MORC4: variants seen among roughly 807,000 people sequenced by gnomAD.
MORC4 encodes MORC family CW-type zinc finger 4, also known as MORC family CW-type zinc finger protein 4.
A neutral mutation model predicts 65.5 loss-of-function variants in MORC4; 22 were observed. The observed-to-expected ratio is 0.34, with a 90% CI of 0.24 to 0.48. MORC4 has a LOEUF of 0.48. MORC4 is among the 20% of genes least tolerant of loss of function. MORC4 has a pLI of 0.99. For missense variants in MORC4, 624 were observed against 703.0 expected (o/e 0.89, Z 1.27); for synonymous variants, 267 against 255.8 (o/e 1.04, Z -0.42).
chrX:106,941,612 C>T lies in MORC4; in HGVS notation c.2681G>A (p.Arg894Gln), dbSNP rs760339925. 9.1e-6 allele frequency: 11 copies of T among 1,210,003 alleles called. No individual in the cohort carries two copies. The highest frequency in any genetic ancestry group is 2.2e-5 in the Admixed American group (1 of 45,869). Residue 894 changes from arginine to glutamine, a missense_variant, in exon 17 of 17, where the codon CGG becomes CAG. Transcript: ENST00000355610. The part of the protein sequence containing the change: ...DLERALAKLT[R>Q]LRIHVSYLLT... ...GAGATAGCTGACGTGGATACGTAGC[C>T]GCGTAAGCTTTGCCAAAGCCCTGTA...
At chrX:106,953,505 T>C (rs956534162) in intron 14 of MORC4, among the ~76,000 whole-genome samples, 5 of 111,756 alleles carry the variant, frequency 4.5e-5, no homozygotes, top group Non-Finnish European at 9.4e-5. Context: ...ACGGTGTAAT[T>C]AGGCTCAAGC....
intron 12 of MORC4, 62 bp downstream of exon 12, chrX:106,956,874 T>C (rs1166337576): frequency 4.5e-6 from 4 of 891,451 alleles, no homozygotes; most frequent in Non-Finnish European, 6.4e-6. Flanking sequence ...ACTCCCGTCC[T>C]GTAAGGAAGT....
At chrX:106,949,682 A>T (rs1476913413) in intron 14 of MORC4, among the ~76,000 whole-genome samples, 1 of 112,443 alleles carries the variant, frequency 8.9e-6, no homozygotes, top group African/African-American at 3.2e-5. Flanking sequence ...AACCTAGTTC[A>T]TACCTGGTTT....
In MORC4 at chrX:106,954,909, T is replaced by A. The variant is rs185335693; in HGVS notation, c.1685+4A>T. 883 of 1,202,982 alleles carry A rather than the reference T, an allele frequency of 7.3e-4. No individual in the cohort carries two copies. Among genetic ancestry groups the A allele is most frequent in the Non-Finnish European group, 9.7e-4 (865 of 891,718 alleles). On this transcript the variant is annotated splice_donor_region_variant and intron_variant, in intron 14 of 16. Coordinates refer to ENST00000355610, the MANE Select transcript of MORC4 (RefSeq NM_024657.5). ...ATTGACAAGAGATCATGCTTTTTAG[T>A]CACCTGGAAAACTGTAAAACACTGG...
chrX:106,981,607 C>A lies in MORC4; in HGVS notation c.675-130G>T, dbSNP rs143449939. The A allele has an allele frequency of 9.5e-3, 5,172 of 542,511 alleles. 199 individuals carry two copies. In the African/African-American group the frequency reaches 0.11, roughly 11 times the overall value. 44.7% of individuals were successfully genotyped at this position (542,511 alleles called of 1,213,427 possible). ...GGTATCTGTTTCTTTCCCTGACTAC[C>A]AGTGCAAAGGAACTACAAACTACTT... On this transcript the variant is annotated intron_variant, in intron 5 of 16. Transcript: ENST00000355610.
At chrX:106,975,011 C>G (rs1381203547) in intron 9 of MORC4, among the ~76,000 whole-genome samples, 1 of 111,021 alleles carries the variant, frequency 9.0e-6, no homozygotes, top group African/African-American at 3.3e-5. Flanking sequence ...CCTGTGTGTT[C>G]AACTGAATAA....
intron 2 of MORC4, among the ~76,000 whole-genome samples, chrX:106,998,501 A>T (rs1237407104): frequency 8.9e-6 from 1 of 111,768 alleles, no homozygotes; most frequent in South Asian, 3.8e-4. Flanking sequence ...CCCATCCCCC[A>T]CTATGTAAAT....
chrX:106,956,541 G>C lies in MORC4; in HGVS notation c.1455-7C>G. 8.4e-7 allele frequency: 1 copy of C among 1,186,803 alleles called. No homozygotes were observed. Among genetic ancestry groups the C allele is most frequent in the Non-Finnish European group, 1.1e-6 (1 of 872,999 alleles). On this transcript the variant is annotated splice_polypyrimidine_tract_variant and splice_region_variant and intron_variant, in intron 12 of 16. Coordinates refer to ENST00000355610, the MANE Select transcript of MORC4 (RefSeq NM_024657.5). ...CTCCTCAACAGTTTGTTCTCTAGGA[G>C]AAGATAAAAGTGCTATTTAGTTCAC...
chrX:106,997,421 C>T (rs765073695), intron 2 of MORC4, among the ~76,000 whole-genome samples: 1 of 111,701 alleles, frequency 9.0e-6, no homozygotes, highest in Non-Finnish European at 1.9e-5. Flanking sequence ...TTCCCCTGCT[C>T]AGAAAACTTC....
At chrX:106,945,442 G>GTGTT (rs1256330605) in intron 14 of MORC4, among the ~76,000 whole-genome samples, 1 of 105,061 alleles carries the variant, frequency 9.5e-6, no homozygotes, top group Non-Finnish European at 1.9e-5. Flanking sequence ...GTGTGTGTGT[G>GTGTT]TGTGTGTGTG....
At chrX:106,994,068 T>A (rs1454456219) in intron 2 of MORC4, among the ~76,000 whole-genome samples, 1 of 112,513 alleles carries the variant, frequency 8.9e-6, no homozygotes, top group East Asian at 2.8e-4. Flanking sequence ...AGAATTAAAG[T>A]AGAAAAAATA....
At chrX:106,973,477 T>C (rs1304206841) in intron 9 of MORC4, among the ~76,000 whole-genome samples, 2 of 111,133 alleles carry the variant, frequency 1.8e-5, no homozygotes, top group Admixed American at 9.6e-5. Context: ...TTTGGAAACG[T>C]TGGGACGGGG....
chrX:106,942,669 G>A lies in MORC4; in HGVS notation c.2222C>T (p.Pro741Leu), dbSNP rs1431495462. The A allele has an allele frequency of 3.3e-6, 4 of 1,211,570 alleles. No individual in the cohort carries two copies. Among genetic ancestry groups the A allele is most frequent in the African/African-American group, 1.7e-5 (1 of 57,777 alleles). The change falls in exon 15 of 17, where the codon CCT becomes CTT. Residue 741 changes from proline to leucine, a missense_variant. Transcript: ENST00000355610. ...TGCTTTCTCCCCAATGGCTGCAGCA[G>A]GGATTGCAGCAGAGGCCACAGAATA... Reference protein sequence around the residue: ...VPYSVASAAIPAAAIGEKARG... With the variant: ...VPYSVASAAILAAAIGEKARG...
intron 14 of MORC4, among the ~76,000 whole-genome samples, chrX:106,948,492 G>A (rs902719669): frequency 9.0e-6 from 1 of 111,630 alleles, no homozygotes; most frequent in African/African-American, 3.2e-5. Flanking sequence ...ATTGTTTTGT[G>A]CTCTTTAATT....
chrX:106,972,566 G>T (rs758661889), intron 9 of MORC4, among the ~76,000 whole-genome samples: 2 of 111,805 alleles, frequency 1.8e-5, no homozygotes, highest in South Asian at 7.6e-4. Flanking sequence ...CCTGCCAAGA[G>T]CCTCTTGTTG....
intron 7 of MORC4, among the ~76,000 whole-genome samples, chrX:106,978,768 G>C (rs1485441764): frequency 9.0e-6 from 1 of 111,487 alleles, no homozygotes; most frequent in South Asian, 3.7e-4. Context: ...CATAGGTTCT[G>C]ATAAGAGCTG....
At chrX:106,946,071 T>C (rs1041674091) in intron 14 of MORC4, among the ~76,000 whole-genome samples, 1 of 112,199 alleles carries the variant, frequency 8.9e-6, no homozygotes, top group Non-Finnish European at 1.9e-5. Context: ...ATAGTGTATA[T>C]ATACTCCTTC....
At chrX:106,969,787 A>T (rs1255971817) in intron 9 of MORC4, among the ~76,000 whole-genome samples, 1 of 112,068 alleles carries the variant, frequency 8.9e-6, no homozygotes, top group South Asian at 3.8e-4. Context: ...GAAGAAGCTG[A>T]ATCTCTGAAT....
intron 9 of MORC4, among the ~76,000 whole-genome samples, chrX:106,967,303 G>T (rs781084048): frequency 1.3e-4 from 14 of 111,781 alleles, no homozygotes; most frequent in African/African-American, 4.6e-4. Context: ...AACCCCATCC[G>T]TAGGTAGGTC....
Sources: gnomAD v4.1 joint callset for allele counts (sites outside exome capture counted in the v4.1 genomes callset) on GRCh38, gnomAD v4.1.1 for gene constraint, MANE v1.5 for transcripts, NCBI Gene and HGNC (gene_info 2026-07-23, HGNC 2026-07-21) for gene names.